PDE10A: variants seen among roughly 807,000 people sequenced by gnomAD.
PDE10A encodes phosphodiesterase 10A, also known as cAMP and cAMP-inhibited cGMP 3',5'-cyclic phosphodiesterase 10A.
A neutral mutation model predicts 97.7 loss-of-function variants in PDE10A; 39 were observed. The ratio of observed to expected loss-of-function variants is 0.40; its 90% CI spans 0.31 to 0.52. The LOEUF (loss-of-function observed/expected upper bound fraction) is 0.52. PDE10A is among the 20% of genes least tolerant of loss of function. The probability of loss-of-function intolerance (pLI) is 0.56; values close to 1 mark genes in which losing one functional copy is unlikely to be tolerated. For synonymous variants in PDE10A, 371 were observed against 376.8 expected (o/e 0.98, Z 0.18); for missense variants, 731 against 1,047.8 (o/e 0.70, Z 4.17).
chr6:165,524,899 C>CT (rs1351045050), intron 2 of PDE10A, among the ~76,000 whole-genome samples: 1 of 152,046 alleles, frequency 6.6e-6, no homozygotes, highest in African/African-American at 2.4e-5. Flanking sequence ...TCTGAGGAAC[C>CT]TTTTTTGCCA....
chr6:165,475,199 A>G (rs556826326), intron 3 of PDE10A, among the ~76,000 whole-genome samples: 1 of 152,324 alleles, frequency 6.6e-6, no homozygotes, highest in East Asian at 1.9e-4. Flanking sequence ...CCCTCCTGAT[A>G]ATATTGTTTC....
intron 1 of PDE10A, among the ~76,000 whole-genome samples, chr6:165,575,582 T>TCTAAGACA (rs1388676107): frequency 1.3e-5 from 2 of 152,324 alleles, no homozygotes; most frequent in East Asian, 3.9e-4. Context: ...TGTAAAGATT[T>TCTAAGACA]CTAAGACACT....
In PDE10A at chr6:165,671,580, A is replaced by C. The variant is rs73253442; in HGVS notation, c.-614-128012T>G. ...TGCACTCAAAGGACCCAATTAATTC[A>C]CTTCCATCACTACTCGTAGAAGCCC... On this transcript the variant is annotated intron_variant, in intron 1 of 19. Transcript: ENST00000366882. This position sits in a 1 kb window ranked among gnomAD's most constrained non-coding sequence, Gnocchi z 4.6. 0.023 allele frequency among the ~76,000 whole-genome samples: 3,503 copies of C among 152,216 alleles called. 156 individuals are homozygous for C. The highest frequency in any genetic ancestry group is 0.08 in the African/African-American group (3,331 of 41,516).
intron 1 of PDE10A, among the ~76,000 whole-genome samples, chr6:165,697,215 C>T (rs1313388041): frequency 6.6e-6 from 1 of 152,020 alleles, no homozygotes; most frequent in African/African-American, 2.4e-5. Context: ...CAGGAAAAGA[C>T]ATGCCATAGA....
intron 1 of PDE10A, among the ~76,000 whole-genome samples, chr6:165,885,654 C>T (rs745769646): frequency 6.6e-5 from 10 of 152,238 alleles, no homozygotes; most frequent in Non-Finnish European, 1.5e-4. Context: ...TCAGCGCTGG[C>T]TGAAAGGTGG....
intron 1 of PDE10A, among the ~76,000 whole-genome samples, chr6:165,794,414 T>C (rs1469841491): frequency 6.7e-6 from 1 of 149,870 alleles, no homozygotes; most frequent in Non-Finnish European, 1.5e-5. Flanking sequence ...CATCACACAC[T>C]CCTACACTCA....
chr6:165,883,778 G>A (rs549201452), intron 1 of PDE10A, among the ~76,000 whole-genome samples: 3 of 152,000 alleles, frequency 2.0e-5, no homozygotes, highest in East Asian at 1.9e-4. Context: ...TCCCAGCTTC[G>A]GTGTTGAACA....
intron 1 of PDE10A, among the ~76,000 whole-genome samples, chr6:165,791,186 C>A (rs1778640288): frequency 6.6e-6 from 1 of 151,904 alleles, no homozygotes; most frequent in Non-Finnish European, 1.5e-5. Flanking sequence ...TCTTCTCAAG[C>A]TATCCTCCCA....
intron 1 of PDE10A, among the ~76,000 whole-genome samples, chr6:165,740,701 C>G (rs972100957): frequency 9.2e-5 from 14 of 152,050 alleles, no homozygotes; most frequent in African/African-American, 2.9e-4. Context: ...CTTGGTGAAC[C>G]TGGAGGATAT....
At chr6:165,753,240 A>C (rs1562719424) in intron 1 of PDE10A, among the ~76,000 whole-genome samples, 1 of 152,236 alleles carries the variant, frequency 6.6e-6, no homozygotes, top group Non-Finnish European at 1.5e-5. Context: ...AGTTGATGTC[A>C]TCTAGTGTTG....
chr6:165,677,832 G>A (rs1790842825), intron 1 of PDE10A, among the ~76,000 whole-genome samples: 1 of 152,006 alleles, frequency 6.6e-6, no homozygotes. Context: ...TGTGTGATGT[G>A]TGCGCGTTTG....
Position 165,576,334 on chromosome 6 carries a change from ATAGAGTAC to A in PDE10A, c.866-32774_866-32767del, listed in dbSNP as rs1397095867. The A allele has an allele frequency of 5.2e-6, 4 of 771,366 alleles. No individual in the cohort carries two copies. The East Asian group carries it at 9.7e-5, about 19-fold the overall frequency. The allele number at this position is 771,366 out of a possible 1,614,324, so 47.8% of individuals were successfully genotyped here. On this transcript the variant is annotated intron_variant, in intron 1 of 21. Transcript: ENST00000539869. ...TGAATTGGCAGATCAAAACAGAGCT[ATAGAGTAC>A]TAGTTTGCTTCCTGTCTATCTGAAT...
At chr6:165,789,256 T>C (rs562999403) in intron 1 of PDE10A, among the ~76,000 whole-genome samples, 1 of 152,376 alleles carries the variant, frequency 6.6e-6, no homozygotes, top group East Asian at 1.9e-4. Flanking sequence ...ACACATTCTG[T>C]TTCATAATCC....
At chr6:165,621,216 TA>T (rs1256579979) in intron 1 of PDE10A, among the ~76,000 whole-genome samples, 2 of 150,350 alleles carry the variant, frequency 1.3e-5, no homozygotes, top group African/African-American at 4.9e-5. Context: ...CAGTATATTT[TA>T]AAGATACATT....
chr6:165,696,768 CAACTA>C (rs1369952349), intron 1 of PDE10A, among the ~76,000 whole-genome samples: 8 of 152,096 alleles, frequency 5.3e-5, no homozygotes, highest in African/African-American at 1.7e-4. Context: ...TATGTTCACA[CAACTA>C]AACGAAACCA....
chr6:165,963,231 T>G (rs1421346776), intron 1 of PDE10A, among the ~76,000 whole-genome samples: 1 of 152,194 alleles, frequency 6.6e-6, no homozygotes, highest in Non-Finnish European at 1.5e-5. Context: ...AGCAAATATG[T>G]TCTTAATCTC....
At chr6:165,870,578 T>C (rs1781179784) in intron 1 of PDE10A, among the ~76,000 whole-genome samples, 1 of 152,124 alleles carries the variant, frequency 6.6e-6, no homozygotes, top group Non-Finnish European at 1.5e-5. Context: ...AGAATGACCA[T>C]ACAATCCAGC....
chr6:165,889,344 T>C (rs1040378326), intron 1 of PDE10A, among the ~76,000 whole-genome samples: 8 of 152,238 alleles, frequency 5.3e-5, no homozygotes, highest in Non-Finnish European at 1.2e-4. Flanking sequence ...CAAAATGCGC[T>C]GTTGCTAGTT....
At chr6:165,651,041 G>C (rs58349034) in intron 1 of PDE10A, among the ~76,000 whole-genome samples, 11,413 of 152,204 alleles carry the variant, frequency 0.075, 963 homozygotes, top group African/African-American at 0.21. Context: ...CAGCCAACAT[G>C]CATTTTTAAT....
Sources: allele counts gnomAD v4.1 joint callset (sites outside exome capture counted in the v4.1 genomes callset), GRCh38; gene constraint gnomAD v4.1.1; non-coding constraint Gnocchi (gnomAD v3.1); transcripts MANE v1.5; gene names NCBI Gene and HGNC (gene_info 2026-07-23, HGNC 2026-07-21).